TENM4: variants seen among roughly 807,000 people sequenced by gnomAD.
The protein encoded by TENM4 is teneurin transmembrane protein 4.
TENM4 carries 82 observed loss-of-function variants against 243.3 expected under a neutral mutation model. The ratio of observed to expected loss-of-function variants is 0.34; its 90% confidence interval spans 0.28 to 0.40. The LOEUF is 0.40. Among genes scored for constraint, TENM4 ranks in the 10% least tolerant of loss-of-function variants. TENM4 has a pLI of 1.00. For missense variants in TENM4, 3,138 were observed against 3,673.3 expected, an observed-to-expected ratio of 0.85 and a Z score of 3.77; for synonymous variants, 1,412 against 1,456.3, an observed-to-expected ratio of 0.97 and a Z score of 0.69.
At chr11:79,092,041 A>T (rs927639463) in intron 4 of TENM4, among the ~76,000 whole-genome samples, 2 of 151,974 alleles carry the variant, frequency 1.3e-5, no homozygotes, top group Non-Finnish European at 2.9e-5. Context: ...TCTGTTGGAG[A>T]GCTCAGTGCT....
intron 6 of TENM4, among the ~76,000 whole-genome samples, chr11:79,054,044 A>G (rs1458079601): frequency 6.6e-6 from 1 of 152,072 alleles, no homozygotes; most frequent in Non-Finnish European, 1.5e-5. Flanking sequence ...CTCAGTGGAG[A>G]GATCCAGGTG....
intron 6 of TENM4, among the ~76,000 whole-genome samples, chr11:78,941,046 C>T (rs184169892): frequency 1.6e-3 from 245 of 152,302 alleles, no homozygotes; most frequent in Middle Eastern, 3.4e-3. Flanking sequence ...ATTTTGAATG[C>T]CCAGGCAGGC....
chr11:79,062,219 TGAAAGTGCTAG>T (rs1472291020), intron 6 of TENM4, among the ~76,000 whole-genome samples: 5 of 152,132 alleles, frequency 3.3e-5, no homozygotes, highest in Non-Finnish European at 7.4e-5. Context: ...CCCCAGCCTC[TGAAAGTGCTAG>T]GATTACAGGC....
intron 6 of TENM4, among the ~76,000 whole-genome samples, chr11:78,952,862 G>A (rs1857132885): frequency 1.3e-5 from 2 of 152,098 alleles, no homozygotes; most frequent in Admixed American, 6.5e-5. Flanking sequence ...AGCTTGGTGA[G>A]GTCACTGAGA....
intron 3 of TENM4, among the ~76,000 whole-genome samples, chr11:79,194,473 G>C (rs1231800227): frequency 1.3e-5 from 2 of 152,132 alleles, no homozygotes; most frequent in Non-Finnish European, 2.9e-5. Flanking sequence ...AATGCTGATA[G>C]TGATATGATC....
intron 6 of TENM4, among the ~76,000 whole-genome samples, chr11:79,023,403 A>C (rs1224339748): frequency 1.3e-5 from 2 of 152,068 alleles, no homozygotes; most frequent in African/African-American, 4.8e-5. Context: ...CTACTAAAAA[A>C]ATACAAAAAT....
chr11:78,939,050 C>G (rs770557606), intron 6 of TENM4, among the ~76,000 whole-genome samples: 1 of 152,192 alleles, frequency 6.6e-6, no homozygotes, highest in Non-Finnish European at 1.5e-5. Context: ...CAGCTCCCAT[C>G]TGGGGGCTTG....
At chr11:78,879,458 C>T (rs1179188382) in intron 9 of TENM4, among the ~76,000 whole-genome samples, 15 of 100,318 alleles carry the variant, frequency 1.5e-4, no homozygotes, top group South Asian at 7.5e-4. Context: ...TGCCTCTGCC[C>T]GGCCGCCACA....
At chr11:79,299,711 C>T (rs543022410) in intron 1 of TENM4, among the ~76,000 whole-genome samples, 4 of 152,288 alleles carry the variant, frequency 2.6e-5, no homozygotes, top group African/African-American at 4.8e-5. Flanking sequence ...CCATTGCCAC[C>T]GCAAATGAGT....
intron 1 of TENM4, among the ~76,000 whole-genome samples, chr11:79,363,867 G>T (rs2135497554): frequency 6.6e-6 from 1 of 152,298 alleles, no homozygotes; most frequent in East Asian, 1.9e-4. Flanking sequence ...CTACTTAGAA[G>T]CACTTTGGGA....
At chr11:78,712,072 AT>A (rs1277828184) in intron 26 of TENM4, among the ~76,000 whole-genome samples, 8 of 152,250 alleles carry the variant, frequency 5.3e-5, no homozygotes, top group Admixed American at 6.5e-5. Context: ...TTGTGTAACA[AT>A]AACATGAGAG....
At chr11:78,736,184 C>G (rs1855788281) in intron 20 of TENM4, among the ~76,000 whole-genome samples, 1 of 152,032 alleles carries the variant, frequency 6.6e-6, no homozygotes, top group Non-Finnish European at 1.5e-5. Context: ...CTTGAACGCC[C>G]AGGCTGGTCT....
intron 4 of TENM4, among the ~76,000 whole-genome samples, chr11:79,114,715 A>C (rs911227396): frequency 2.0e-5 from 3 of 152,234 alleles, no homozygotes; most frequent in Non-Finnish European, 4.4e-5. Flanking sequence ...AATTTATGTA[A>C]CTGATCCAGT....
At chr11:79,077,688 A>T (rs1860567659) in intron 4 of TENM4, among the ~76,000 whole-genome samples, 1 of 152,242 alleles carries the variant, frequency 6.6e-6, no homozygotes, top group Non-Finnish European at 1.5e-5. Context: ...GCCCAGTTAT[A>T]TTCCGAGAGT....
At chr11:79,048,852 G>A (rs117324749) in intron 6 of TENM4, among the ~76,000 whole-genome samples, 4,060 of 152,178 alleles carry the variant, frequency 0.027, 71 homozygotes, top group Non-Finnish European at 0.038. Context: ...GGATGGGCAG[G>A]GGCCATTCTG....
chr11:79,258,847 G>A (rs968288076), intron 2 of TENM4, among the ~76,000 whole-genome samples: 14 of 152,090 alleles, frequency 9.2e-5, no homozygotes, highest in African/African-American at 2.9e-4. Context: ...CATGCAAGCC[G>A]CCCACCTCTC....
chr11:78,699,643 T>TA (rs924550640), intron 28 of TENM4, among the ~76,000 whole-genome samples: 3 of 152,206 alleles, frequency 2.0e-5, no homozygotes, highest in African/African-American at 7.2e-5. Flanking sequence ...CGCCATTTTA[T>TA]AAAAAAGCAA....
chr11:79,011,310 C>T (rs1220359179), intron 6 of TENM4, among the ~76,000 whole-genome samples: 1 of 152,294 alleles, frequency 6.6e-6, no homozygotes, highest in African/African-American at 2.4e-5. Context: ...CTGAGTTATT[C>T]TCTGAGTCAG....
intron 3 of TENM4, among the ~76,000 whole-genome samples, chr11:79,157,710 C>G (rs1407422802): frequency 1.3e-5 from 2 of 152,220 alleles, no homozygotes; most frequent in East Asian, 3.9e-4. Flanking sequence ...CGTCCACAAG[C>G]TGCCTCCTCT....
Sources: allele counts gnomAD v4.1 joint callset (sites outside exome capture counted in the v4.1 genomes callset), GRCh38; gene constraint gnomAD v4.1.1; transcripts MANE v1.5; gene names NCBI Gene and HGNC (gene_info 2026-07-23, HGNC 2026-07-21).